MMP16: variants seen among roughly 807,000 people sequenced by gnomAD.
MMP16 encodes matrix metalloproteinase-16.
In MMP16, 12 loss-of-function variants were observed where a neutral mutation model predicts 67.8. The ratio of observed to expected loss-of-function variants is 0.18; its 90% CI spans 0.11 to 0.29. The LOEUF (loss-of-function observed/expected upper bound fraction) is 0.29. Ranked by LOEUF, MMP16 falls within the 10% of genes least tolerant of loss-of-function variation. The pLI is 1.00. For missense variants in MMP16, 475 were observed against 765.7 expected (o/e 0.62, Z 4.48); for synonymous variants, 249 against 255.9 (o/e 0.97, Z 0.26).
At chr8:88,057,815 C>T (rs1165262663) in intron 7 of MMP16, among the ~76,000 whole-genome samples, 1 of 152,086 alleles carries the variant, frequency 6.6e-6, no homozygotes, top group Non-Finnish European at 1.5e-5. Flanking sequence ...CTTCAAGCAT[C>T]CCAAGTATCA....
intron 1 of MMP16, among the ~76,000 whole-genome samples, chr8:88,298,689 A>G (rs1377375952): frequency 6.6e-6 from 1 of 152,208 alleles, no homozygotes; most frequent in Non-Finnish European, 1.5e-5. Context: ...TCCATGGCAC[A>G]GGAAAAAAGT....
chr8:88,183,546 T>C (rs1275143086), intron 3 of MMP16, among the ~76,000 whole-genome samples: 1 of 152,148 alleles, frequency 6.6e-6, no homozygotes, highest in Admixed American at 6.5e-5. Flanking sequence ...TCCTTTTCTT[T>C]CTTTACCTCT....
chr8:88,266,994 T>C (rs780034893), intron 1 of MMP16, among the ~76,000 whole-genome samples: 1 of 152,188 alleles, frequency 6.6e-6, no homozygotes, highest in East Asian at 1.9e-4. Context: ...AAAATTAATA[T>C]GCATATAGAA....
chr8:88,137,625 ATC>A (rs1563542791), intron 4 of MMP16, among the ~76,000 whole-genome samples: 1 of 151,894 alleles, frequency 6.6e-6, no homozygotes. Context: ...GATGTTTTTC[ATC>A]TGTTTTAGAA....
chr8:88,235,826 C>T (rs2129884834), intron 1 of MMP16, among the ~76,000 whole-genome samples: 1 of 151,896 alleles, frequency 6.6e-6, no homozygotes, highest in East Asian at 1.9e-4. Context: ...ATGTTCAAAT[C>T]AAGTTACAAG....
chr8:88,122,352 A>C (rs1458669232), intron 4 of MMP16, among the ~76,000 whole-genome samples: 1 of 151,952 alleles, frequency 6.6e-6, no homozygotes, highest in Non-Finnish European at 1.5e-5. Flanking sequence ...CATCTCCTCC[A>C]TGAAGCCTTC....
chr8:88,118,583 A>G, intron 5 of MMP16, 117 bp downstream of exon 5: 1 of 966,272 alleles, frequency 1.0e-6, no homozygotes. Context: ...GGCCAGCTAC[A>G]TACTTTTTCT....
intron 6 of MMP16, among the ~76,000 whole-genome samples, 183 bp from the exon 7 acceptor site, chr8:88,074,926 C>T (rs1808622241): frequency 6.6e-6 from 1 of 152,132 alleles, no homozygotes; most frequent in Non-Finnish European, 1.5e-5. Flanking sequence ...TAGTAAACTC[C>T]TTAATGTCTA....
chr8:88,204,039 A>C (rs1419154518), intron 1 of MMP16, among the ~76,000 whole-genome samples: 1 of 152,234 alleles, frequency 6.6e-6, no homozygotes, highest in Non-Finnish European at 1.5e-5. Flanking sequence ...TTCTATCATC[A>C]CATGACATTA....
intron 1 of MMP16, among the ~76,000 whole-genome samples, chr8:88,212,946 G>T (rs1809534032): frequency 6.6e-6 from 1 of 152,120 alleles, no homozygotes; most frequent in Non-Finnish European, 1.5e-5. Context: ...TAGGCAAAGG[G>T]CTGAAGCAGA....
chr8:88,174,061 A>C (rs2129719421), intron 3 of MMP16, among the ~76,000 whole-genome samples: 1 of 152,296 alleles, frequency 6.6e-6, no homozygotes, highest in African/African-American at 2.4e-5. Context: ...AAAAAAAATT[A>C]CTTAGTAACC....
chr8:88,250,779 A>T (rs577217511), intron 1 of MMP16, among the ~76,000 whole-genome samples: 168 of 140,572 alleles, frequency 1.2e-3, no homozygotes, highest in Non-Finnish European at 1.9e-3. Context: ...TTTTTTTTTT[A>T]ATTTTTTTTT....
chr8:88,125,977 T>C (rs1160013930), intron 4 of MMP16, among the ~76,000 whole-genome samples: 1 of 151,900 alleles, frequency 6.6e-6, no homozygotes, highest in African/African-American at 2.4e-5. Flanking sequence ...CAAAGCCACT[T>C]TTTAGGAACT....
intron 7 of MMP16, among the ~76,000 whole-genome samples, chr8:88,059,667 T>A (rs1808372939): frequency 6.6e-6 from 1 of 152,064 alleles, no homozygotes; most frequent in Admixed American, 6.6e-5. Flanking sequence ...GTCCTTTATA[T>A]CATCCCTTCC....
At chr8:88,301,588 T>A (rs28986475) in intron 1 of MMP16, among the ~76,000 whole-genome samples, 1 of 152,172 alleles carries the variant, frequency 6.6e-6, no homozygotes, top group Non-Finnish European at 1.5e-5. Context: ...TATGCAGGAA[T>A]ATGACATTAT....
At chr8:88,118,936 A>T (rs1809483021) in intron 4 of MMP16, 75 bp from the exon 5 acceptor site, 1 of 1,404,264 alleles carries the variant, frequency 7.1e-7, no homozygotes. Flanking sequence ...ATTTGGTATT[A>T]TCAACATTTT....
chr8:88,143,669 A>G (rs868487530), intron 4 of MMP16, among the ~76,000 whole-genome samples: 1 of 152,138 alleles, frequency 6.6e-6, no homozygotes, highest in Middle Eastern at 3.4e-3. Flanking sequence ...GGTTGATTAG[A>G]TAAGGGTCTT....
chr8:88,311,388 T>C (rs1236272294), intron 1 of MMP16, among the ~76,000 whole-genome samples: 1 of 152,172 alleles, frequency 6.6e-6, no homozygotes, highest in African/African-American at 2.4e-5. Flanking sequence ...CTTTTTACTC[T>C]CATTCACTTG....
intron 1 of MMP16, among the ~76,000 whole-genome samples, chr8:88,280,266 C>A (rs569672731): frequency 6.6e-6 from 1 of 152,276 alleles, no homozygotes; most frequent in South Asian, 2.1e-4. Flanking sequence ...TTACTTCTTG[C>A]AAGCTTTTTG....
Sources: gnomAD v4.1 joint callset for allele counts (sites outside exome capture counted in the v4.1 genomes callset) on GRCh38, gnomAD v4.1.1 for gene constraint, MANE v1.5 for transcripts, NCBI Gene and HGNC (gene_info 2026-07-23, HGNC 2026-07-21) for gene names.